The following ANAPC7 variants were observed in gnomAD, a reference collection of about 807,000 sequenced individuals.
ANAPC7 encodes the protein anaphase-promoting complex subunit 7.
ANAPC7 carries 25 observed loss-of-function variants against 63.3 expected under a neutral mutation model. The observed-to-expected ratio is 0.39, with a 90% CI of 0.29 to 0.55. The LOEUF (loss-of-function observed/expected upper bound fraction) is 0.55. Ranked by LOEUF, ANAPC7 falls within the 20% of genes least tolerant of loss-of-function variation. The pLI is 0.57. For synonymous variants in ANAPC7, 241 were observed against 251.7 expected (o/e 0.96, Z 0.40); for missense variants, 516 against 691.7 (o/e 0.75, Z 2.85).
intron 1 of ANAPC7, among the ~76,000 whole-genome samples, chr12:110,402,361 G>A (rs2062243730): frequency 6.7e-6 from 1 of 149,458 alleles, no homozygotes; most frequent in African/African-American, 2.5e-5. Flanking sequence ...ACGGAGTCTC[G>A]CTCTGTCGTC....
At chr12:110,395,975 GT>G (rs1404086415) in intron 2 of ANAPC7, among the ~76,000 whole-genome samples, 1 of 152,164 alleles carries the variant, frequency 6.6e-6, no homozygotes, top group African/African-American at 2.4e-5. Flanking sequence ...GGATGAAACT[GT>G]TCCACCTCAG....
At chr12:110,396,086 C>T (rs567908839) in intron 2 of ANAPC7, among the ~76,000 whole-genome samples, 180 bp downstream of exon 2, 3 of 152,054 alleles carry the variant, frequency 2.0e-5, no homozygotes, top group African/African-American at 7.2e-5. Flanking sequence ...AATCTAATGC[C>T]GCAGCTGATC....
At position 110,374,131 on chromosome 12, in the gene ANAPC7, A is replaced by G. The variant is rs1881042768; in HGVS notation, c.*13T>C. 1 of 1,600,568 alleles carries G rather than the reference A, an allele frequency of 6.2e-7. No homozygotes were observed. On this transcript the variant is annotated 3_prime_UTR_variant, in exon 11 of 11. Coordinates refer to ENST00000455511, the MANE Select transcript of ANAPC7 (RefSeq NM_016238.3). ...GCAGGGCAGGCCACTGCGGCCATGG[A>G]GCTGCCGCCCCCTCACTGCATGCCG...
chr12:110,392,428 AAGC>A (rs1330922776), intron 3 of ANAPC7, among the ~76,000 whole-genome samples: 2 of 152,212 alleles, frequency 1.3e-5, no homozygotes, highest in Non-Finnish European at 2.9e-5. Context: ...GACTTGGATG[AAGC>A]AGCACTAACT....
chr12:110,393,138 A>C (rs1883247511), intron 3 of ANAPC7, among the ~76,000 whole-genome samples: 1 of 152,148 alleles, frequency 6.6e-6, no homozygotes, highest in East Asian at 1.9e-4. Context: ...TTTCTTCACT[A>C]TAATATGCTG....
At chr12:110,387,710 G>C (rs1882738407) in intron 5 of ANAPC7, 29 bp downstream of exon 5, 1 of 1,585,654 alleles carries the variant, frequency 6.3e-7, no homozygotes, top group Non-Finnish European at 8.6e-7. Flanking sequence ...AGGGCCTCAA[G>C]AACACTGAAT....
intron 1 of ANAPC7, among the ~76,000 whole-genome samples, chr12:110,402,121 G>A (rs555995257): frequency 1.5e-3 from 223 of 150,848 alleles, no homozygotes; most frequent in Non-Finnish European, 2.5e-3. Flanking sequence ...GCTGCAGTGA[G>A]CCAAGACTGC....
chr12:110,402,284 T>C (rs1367364865), intron 1 of ANAPC7, among the ~76,000 whole-genome samples: 1 of 152,100 alleles, frequency 6.6e-6, no homozygotes, highest in African/African-American at 2.4e-5. Flanking sequence ...AGGGCAGATA[T>C]TTGCCTTCAG....
chr12:110,378,043 C>T (rs1164086016), intron 8 of ANAPC7: 3 of 213,338 alleles, frequency 1.4e-5, no homozygotes, highest in Non-Finnish European at 2.9e-5. Flanking sequence ...CAGCTGCATT[C>T]GGTCACCTGT....
intron 5 of ANAPC7, chr12:110,386,711 A>G (rs913320449): frequency 2.3e-6 from 1 of 427,136 alleles, no homozygotes; most frequent in African/African-American, 2.0e-5. Context: ...GTTCTTCAGA[A>G]CACAACATAC....
rs968185775 is a variant in ANAPC7 at position 110,377,069 on chromosome 12, G to A, written c.1357+324C>T. Among the ~76,000 whole-genome samples, 7 of 151,204 alleles carry A rather than the reference G, an allele frequency of 4.6e-5. No individual in the cohort carries two copies. The South Asian group carries it at 1.1e-3, about 23-fold the overall frequency. On this transcript the variant is annotated intron_variant, in intron 9 of 10. Coordinates refer to ENST00000455511, the MANE Select transcript of ANAPC7 (RefSeq NM_016238.3). The stretch of plus-strand genomic sequence containing the variant: ...GAAGAATTGCTTGAACCCGGGAGGC[G>A]GAGGTTGCAGTGAGCTGAGATCGCA...
In ANAPC7 at chr12:110,386,342, G is replaced by C; in HGVS notation, c.802C>G (p.Pro268Ala). The C allele has an allele frequency of 6.2e-7, 1 of 1,614,012 alleles. No homozygotes were observed. Among genetic ancestry groups the C allele is most frequent in the Non-Finnish European group, 8.5e-7 (1 of 1,180,018 alleles). The change falls in exon 6 of 11, where the codon CCT becomes GCT. Residue 268 changes from proline to alanine, a missense_variant. Pro to Ala is a conservative substitution (Grantham distance 27, BLOSUM62 -1). This residue lies in a region of ANAPC7 where 199 missense variants were observed against 249.3 expected (regional missense o/e 0.80). Transcript: ENST00000455511. ...AATTACTTACCTTTTATCAGATAAG[G>C]ATCCAACATCTGTGCCTGTTCAAAC... ...LKFEQAQMLD[P>A]YLIKGMDVYG...
At chr12:110,375,780 A>G (rs993607657) in intron 10 of ANAPC7, 1 of 1,076,246 alleles carries the variant, frequency 9.3e-7, no homozygotes, top group Non-Finnish European at 1.1e-6. Flanking sequence ...CTATAAAAAT[A>G]TGTGTGTGTG....
At chr12:110,387,361 GAGAGACAGAGAGAGAGAGAGAC>G (rs1882668128) in intron 5 of ANAPC7, 2 of 123,702 alleles carry the variant, frequency 1.6e-5, no homozygotes, top group Non-Finnish European at 3.4e-5. Context: ...GACAGAGAGA[GAGAGACAGAGAGAGAGAGAGAC>G]AGAGAGAGAG....
In ANAPC7 at chr12:110,382,825, G is replaced by T; in HGVS notation, c.935+18C>A. On this transcript the variant is annotated intron_variant, in intron 7 of 10. Transcript: ENST00000455511. ...AATCTACTGACAACTGGGGAGAAAA[G>T]AGAATGCATAATCATACCCAGAAAC... The T allele has an allele frequency of 6.3e-7, 1 of 1,577,002 alleles. No homozygotes were observed. Among genetic ancestry groups the T allele is most frequent in the Non-Finnish European group, 8.7e-7 (1 of 1,149,306 alleles).
intron 8 of ANAPC7, 120 bp from the exon 9 acceptor site, chr12:110,377,737 G>A (rs1357651034): frequency 6.6e-7 from 1 of 1,518,594 alleles, no homozygotes; most frequent in South Asian, 1.3e-5. Flanking sequence ...CAGGCCACGG[G>A]AAACTGATGG....
intron 8 of ANAPC7, chr12:110,378,049 C>T (rs560743775): frequency 4.9e-6 from 1 of 204,820 alleles, no homozygotes; most frequent in African/African-American, 2.3e-5. Flanking sequence ...CATTCGGTCA[C>T]CTGTAGGGCT....
intron 1 of ANAPC7, among the ~76,000 whole-genome samples, chr12:110,402,874 C>G (rs932076472): frequency 2.6e-5 from 4 of 151,784 alleles, no homozygotes; most frequent in African/African-American, 9.7e-5. Flanking sequence ...TAGCTGGGAC[C>G]GCAGGCACGC....
chr12:110,376,440 G>T (rs1451991541), intron 9 of ANAPC7, among the ~76,000 whole-genome samples: 1 of 151,550 alleles, frequency 6.6e-6, no homozygotes, highest in South Asian at 2.1e-4. Context: ...TTGGTGGCAG[G>T]TGCCTGTAGT....
Sources: gnomAD v4.1 joint callset for allele counts (sites outside exome capture counted in the v4.1 genomes callset) on GRCh38, gnomAD v4.1.1 for gene constraint, gnomAD v4.1.1 regional missense constraint, MANE v1.5 for transcripts, NCBI Gene and HGNC (gene_info 2026-07-23, HGNC 2026-07-21) for gene names.